SLC17A6: variants seen among roughly 807,000 people sequenced by gnomAD.
SLC17A6 encodes the protein vesicular glutamate transporter 2.
Under a neutral mutation model 67.1 loss-of-function variants are expected in SLC17A6, and 35 were observed. The ratio of observed to expected loss-of-function variants is 0.52; its 90% CI spans 0.40 to 0.69. SLC17A6 has a LOEUF of 0.69. Ranked by LOEUF, SLC17A6 falls within the 30% of genes least tolerant of loss-of-function variation. The probability of loss-of-function intolerance (pLI) is 0.00; values close to 1 mark genes in which losing one functional copy is unlikely to be tolerated. For missense variants in SLC17A6, 588 were observed against 723.9 expected, an observed-to-expected ratio of 0.81 and a Z score of 2.15; for synonymous variants, 285 against 252.3, an observed-to-expected ratio of 1.13 and a Z score of -1.23.
rs183276804 is a variant in SLC17A6 at position 22,368,382 on chromosome 11, C to A, written c.892-1657C>A. On this transcript the variant is annotated intron_variant, in intron 7 of 11. Coordinates refer to ENST00000263160, the MANE Select transcript of SLC17A6 (RefSeq NM_020346.3). ...TTCTTTAAAATATATTTAAATATAG[C>A]ATATGTACAGAAAAAAACACTAATA... is the stretch of plus-strand genomic sequence containing the variant. 1.5e-4 allele frequency among the ~76,000 whole-genome samples: 23 copies of A among 151,978 alleles called. No individual in the cohort carries two copies. The East Asian group carries it at 2.5e-3, about 17-fold the overall frequency.
At chr11:22,354,921 C>T (rs571219954) in intron 3 of SLC17A6, among the ~76,000 whole-genome samples, 1 of 152,280 alleles carries the variant, frequency 6.6e-6, no homozygotes, top group Admixed American at 6.5e-5. Context: ...CTGACTGGCT[C>T]ATAGTTATGA....
chr11:22,341,228 G>C (rs1855811687), intron 1 of SLC17A6, among the ~76,000 whole-genome samples: 1 of 152,154 alleles, frequency 6.6e-6, no homozygotes, highest in South Asian at 2.1e-4. Flanking sequence ...AGGCCCAAGC[G>C]GCCTGTGTAT....
chr11:22,363,334 C>G (rs1258496814), intron 6 of SLC17A6, among the ~76,000 whole-genome samples: 2 of 152,066 alleles, frequency 1.3e-5, no homozygotes, highest in African/African-American at 4.8e-5. Context: ...TCTCAGTCCT[C>G]CAGAATTAAA....
At chr11:22,362,296 CAG>C in intron 5 of SLC17A6, 1 of 384,240 alleles carries the variant, frequency 2.6e-6, no homozygotes, top group Admixed American at 3.7e-5. Flanking sequence ...AGACCGCTGG[CAG>C]AGAAAAACAA....
intron 4 of SLC17A6, among the ~76,000 whole-genome samples, chr11:22,360,030 C>T (rs1474052056): frequency 1.3e-5 from 2 of 151,658 alleles, no homozygotes; most frequent in Non-Finnish European, 2.9e-5. Flanking sequence ...CTTAAAAACT[C>T]GAGTTCGGCT....
chr11:22,339,151 A>ATATGTTTTTTATATAT lies in SLC17A6; in HGVS notation c.86+532_86+533insTATGTTTTTTATATAT, dbSNP rs57725309. ...TATGTTATATATATATGTTATATATAGTTATATATATATGTTATATATATA... is the reference window on the plus strand; with the variant it reads ...TATGTTATATATATATGTTATATATATATGTTTTTTATATATGTTATATATATATGTTATATATATA... On this transcript the variant is annotated intron_variant, in intron 1 of 11. Transcript: ENST00000263160. 1.0e-4 allele frequency among the ~76,000 whole-genome samples: 3 copies of ATATGTTTTTTATATAT among 29,796 alleles called. 1 individual carries two copies. The highest frequency in any genetic ancestry group is 1.7e-4 in the Non-Finnish European group (3 of 17,544). The allele number at this position is 29,796 out of a possible 152,430, so 19.5% of individuals were successfully genotyped here.
chr11:22,341,059 C>A (rs2133856867), intron 1 of SLC17A6, among the ~76,000 whole-genome samples: 1 of 152,338 alleles, frequency 6.6e-6, no homozygotes, highest in Non-Finnish European at 1.5e-5. Context: ...TGCAGCGGAG[C>A]AGCTCTCTGG....
Position 22,377,719 on chromosome 11 carries a change from G to T in SLC17A6, c.1728G>T (p.Lys576Asn). The T allele has an allele frequency of 6.3e-7, 1 of 1,576,364 alleles. No individual in the cohort carries two copies. Among genetic ancestry groups the T allele is most frequent in the South Asian group, 1.2e-5 (1 of 84,982 alleles). Reference sequence around the variant, plus strand: ...AAGTACAAGACTCACATAGCTATAAGGACCGAGTTGATTATTCATAACAAA... The same window carrying T: ...AAGTACAAGACTCACATAGCTATAATGACCGAGTTGATTATTCATAACAAA... ...QGEVQDSHSY[K>N]DRVDYS Residue 576 changes from lysine to asparagine, a missense_variant, in exon 12 of 12, where the codon AAG (lysine) becomes AAT (asparagine). Transcript: ENST00000263160.
intron 3 of SLC17A6, among the ~76,000 whole-genome samples, chr11:22,349,979 T>G (rs1855920748): frequency 1.3e-5 from 2 of 152,160 alleles, no homozygotes; most frequent in Admixed American, 6.5e-5. Context: ...TGGAAGTGGA[T>G]TGATTGATTT....
intron 3 of SLC17A6, among the ~76,000 whole-genome samples, chr11:22,351,716 C>A (rs1245577093): frequency 6.6e-6 from 1 of 152,066 alleles, no homozygotes; most frequent in Non-Finnish European, 1.5e-5. Flanking sequence ...AAAGAACTAG[C>A]CTGTGGAACA....
chr11:22,346,775 A>G (rs933342578), intron 3 of SLC17A6, among the ~76,000 whole-genome samples: 4 of 150,086 alleles, frequency 2.7e-5, no homozygotes, highest in African/African-American at 7.3e-5. Flanking sequence ...GCTGTGAAGA[A>G]CACGGACACG....
chr11:22,372,473 G>A (rs1290108576), intron 8 of SLC17A6, among the ~76,000 whole-genome samples: 8 of 151,718 alleles, frequency 5.3e-5, no homozygotes, highest in South Asian at 4.2e-4. Context: ...GCATATCAGC[G>A]GGTCAGTGCT....
At position 22,376,598 on chromosome 11, in the gene SLC17A6, G is replaced by A. The variant is rs778030733; in HGVS notation, c.1339G>A (p.Gly447Ser). 1 of 1,613,832 alleles carries A rather than the reference G, an allele frequency of 6.2e-7. No homozygotes were observed. The part of the protein sequence containing the change: ...IAPRYASILM[G>S]ISNGVGTLSG... ...TCCAAGATATGCCAGTATCTTAATG[G>A]GCATTTCGAATGGTGTTGGCACATT... The change falls in exon 11 of 12, where the codon GGC (glycine) becomes AGC (serine). Residue 447 changes from glycine (G) to serine (S), a missense_variant. Transcript: ENST00000263160.
In SLC17A6 at chr11:22,357,936, G is replaced by A. The variant is rs149053666; in HGVS notation, c.459-1477G>A. On this transcript the variant is annotated intron_variant, in intron 3 of 11. Transcript: ENST00000263160. ...TGGAGAGAAGCCACTAAGGGAAGGCGGGTACAGGCTACATATATTTTTACA... is the reference window on the plus strand; with the variant it reads ...TGGAGAGAAGCCACTAAGGGAAGGCAGGTACAGGCTACATATATTTTTACA... 2.8e-3 allele frequency among the ~76,000 whole-genome samples: 424 copies of A among 152,222 alleles called. 2 individuals carry two copies. Among genetic ancestry groups the A allele is most frequent in the African/African-American group, 9.6e-3 (400 of 41,536 alleles).
intron 7 of SLC17A6, among the ~76,000 whole-genome samples, chr11:22,366,691 T>A (rs1299934820): frequency 6.6e-6 from 1 of 152,170 alleles, no homozygotes; most frequent in Non-Finnish European, 1.5e-5. Context: ...AGCCACCTGA[T>A]GTTATATTTT....
intron 10 of SLC17A6, among the ~76,000 whole-genome samples, 181 bp downstream of exon 10, chr11:22,376,273 TA>T (rs1479825815): frequency 1.3e-5 from 2 of 152,178 alleles, no homozygotes; most frequent in African/African-American, 2.4e-5. Flanking sequence ...TTAGATTTGT[TA>T]ATACTCAATT....
chr11:22,351,993 AC>A (rs1554943966), intron 3 of SLC17A6, among the ~76,000 whole-genome samples: 1 of 152,170 alleles, frequency 6.6e-6, no homozygotes, highest in Admixed American at 6.5e-5. Context: ...ATCAGACCAA[AC>A]AAAAATGATG....
At chr11:22,356,692 C>T (rs1465171222) in intron 3 of SLC17A6, among the ~76,000 whole-genome samples, 1 of 152,124 alleles carries the variant, frequency 6.6e-6, no homozygotes, top group East Asian at 1.9e-4. Flanking sequence ...AAAAATTAGC[C>T]AGGCATGTTG....
chr11:22,360,485 AT>A (rs1280046192), intron 4 of SLC17A6, among the ~76,000 whole-genome samples: 6 of 151,910 alleles, frequency 3.9e-5, no homozygotes, highest in Non-Finnish European at 8.8e-5. Flanking sequence ...ACTTAAAAAA[AT>A]AATAATAATA....
Sources: gnomAD v4.1 joint callset for allele counts (sites outside exome capture counted in the v4.1 genomes callset) on GRCh38, gnomAD v4.1.1 for gene constraint, MANE v1.5 for transcripts, NCBI Gene and HGNC (gene_info 2026-07-23, HGNC 2026-07-21) for gene names.